Variants in ZMAT4 observed in about 807,000 individuals in gnomAD.
ZMAT4 encodes the protein zinc finger matrin-type 4.
In ZMAT4, 17 loss-of-function variants were observed where a neutral mutation model predicts 28.7. The ratio of observed to expected loss-of-function variants is 0.59; its 90% CI spans 0.41 to 0.89. ZMAT4 has a LOEUF of 0.89. Ranked by LOEUF, ZMAT4 falls within the 40% of genes least tolerant of loss-of-function variation. The pLI, the probability that ZMAT4 is intolerant of heterozygous loss-of-function variation, is 0.00. For missense variants in ZMAT4, 240 were observed against 283.8 expected (o/e 0.85, Z 1.11); for synonymous variants, 117 against 109.2 (o/e 1.07, Z -0.44).
At chr8:40,843,069 C>G (rs56132642) in intron 1 of ZMAT4, among the ~76,000 whole-genome samples, 1 of 152,114 alleles carries the variant, frequency 6.6e-6, no homozygotes, top group Admixed American at 6.6e-5. Flanking sequence ...AAGCCACTGT[C>G]CCCGGCCTAA....
In ZMAT4 at chr8:40,860,096, C is replaced by T. The variant is rs77896633; in HGVS notation, c.-4-34416G>A. On this transcript the variant is annotated intron_variant, in intron 1 of 6. Transcript: ENST00000297737. Reference sequence around the variant, plus strand: ...AGCAAGACATAGATCTTTTCAGCCTCAGTTTCCACATCTGAAAATATGGAG... The same window carrying T: ...AGCAAGACATAGATCTTTTCAGCCTTAGTTTCCACATCTGAAAATATGGAG... Among the ~76,000 whole-genome samples the T allele has an allele frequency of 8.9e-3, 1,351 of 152,322 alleles. 11 individuals are homozygous for T. Among genetic ancestry groups the T allele is most frequent in the Admixed American group, 0.013 (202 of 15,306 alleles).
chr8:40,714,908 G>C (rs1442338896), intron 3 of ZMAT4, among the ~76,000 whole-genome samples: 1 of 151,900 alleles, frequency 6.6e-6, no homozygotes, highest in Non-Finnish European at 1.5e-5. Flanking sequence ...AATTAGCCAG[G>C]CGTGGTGGCA....
intron 3 of ZMAT4, among the ~76,000 whole-genome samples, chr8:40,749,720 G>A (rs895584822): frequency 6.6e-6 from 1 of 152,172 alleles, no homozygotes; most frequent in East Asian, 1.9e-4. Context: ...GCAGGAGTGA[G>A]TGAAAGTTAT....
intron 5 of ZMAT4, among the ~76,000 whole-genome samples, chr8:40,612,331 G>A (rs1236384714): frequency 8.1e-6 from 1 of 123,022 alleles, no homozygotes; most frequent in African/African-American, 2.6e-5. Flanking sequence ...TACAAATAAT[G>A]AGCAGGAAAT....
chr8:40,571,361 A>G (rs1804092531), intron 6 of ZMAT4, among the ~76,000 whole-genome samples: 2 of 152,148 alleles, frequency 1.3e-5, no homozygotes, highest in Non-Finnish European at 2.9e-5. Context: ...ATATAGAGAT[A>G]CATATACAGT....
intron 1 of ZMAT4, among the ~76,000 whole-genome samples, chr8:40,828,683 A>T (rs138188395): frequency 1.1e-3 from 163 of 152,294 alleles, no homozygotes; most frequent in African/African-American, 3.7e-3. Flanking sequence ...AATCGATGAC[A>T]CCTGAGTGGA....
chr8:40,693,919 C>G (rs1396390444), intron 4 of ZMAT4, among the ~76,000 whole-genome samples: 3 of 152,140 alleles, frequency 2.0e-5, no homozygotes, highest in Non-Finnish European at 2.9e-5. Context: ...AAGTAGCTGG[C>G]AGAAGCAATG....
At chr8:40,657,467 A>G (rs1307238196) in intron 5 of ZMAT4, among the ~76,000 whole-genome samples, 1 of 151,386 alleles carries the variant, frequency 6.6e-6, no homozygotes, top group African/African-American at 2.4e-5. Flanking sequence ...TTTTTCTTGC[A>G]GTACTTTAAA....
At chr8:40,570,042 C>T (rs1804043818) in intron 6 of ZMAT4, among the ~76,000 whole-genome samples, 1 of 152,062 alleles carries the variant, frequency 6.6e-6, no homozygotes, top group Non-Finnish European at 1.5e-5. Context: ...TTGTTTTGTT[C>T]AAATCCACAA....
At chr8:40,712,185 A>G (rs1810652974) in intron 3 of ZMAT4, among the ~76,000 whole-genome samples, 1 of 152,234 alleles carries the variant, frequency 6.6e-6, no homozygotes. Context: ...TAAAACTCAA[A>G]TCATAATAGG....
At chr8:40,859,533 G>GCTGGGAAGGAATA (rs1211912419) in intron 1 of ZMAT4, among the ~76,000 whole-genome samples, 1 of 152,100 alleles carries the variant, frequency 6.6e-6, no homozygotes, top group Non-Finnish European at 1.5e-5. Flanking sequence ...GGGAATTACA[G>GCTGGGAAGGAATA]GCCCAGCTAT....
chr8:40,659,110 G>A (rs1344168597), intron 5 of ZMAT4, among the ~76,000 whole-genome samples: 2 of 152,152 alleles, frequency 1.3e-5, no homozygotes, highest in African/African-American at 2.4e-5. Context: ...CAACATATAT[G>A]ATCAGGAATC....
chr8:40,862,438 G>T (rs1311809018), intron 1 of ZMAT4, among the ~76,000 whole-genome samples: 9 of 97,626 alleles, frequency 9.2e-5, no homozygotes, highest in African/African-American at 3.2e-4. Flanking sequence ...GGGGAGGGGG[G>T]AGGGATAGCA....
intron 4 of ZMAT4, among the ~76,000 whole-genome samples, chr8:40,681,926 A>T (rs1361137750): frequency 6.6e-6 from 1 of 152,116 alleles, no homozygotes; most frequent in Non-Finnish European, 1.5e-5. Flanking sequence ...AGACCTGGGG[A>T]CATGTTCAGA....
intron 3 of ZMAT4, among the ~76,000 whole-genome samples, chr8:40,713,973 A>G (rs548046984): frequency 2.0e-5 from 3 of 151,702 alleles, no homozygotes; most frequent in South Asian, 2.1e-4. Flanking sequence ...AAGAAAAGAA[A>G]TATACATATC....
rs1391927387 is a variant in ZMAT4, at chr8:40,603,515, C to T, written c.578-22254G>A. ...CATTGAATTTGTAGATTGCTTTTGT[C>T]AGTAATGTCATTTTCACAATACTGA... is the stretch of plus-strand genomic sequence containing the variant. On this transcript the variant is annotated intron_variant, in intron 5 of 6. Coordinates refer to ENST00000297737, the MANE Select transcript of ZMAT4 (RefSeq NM_024645.3). Among the ~76,000 whole-genome samples the T allele has an allele frequency of 2.0e-5, 3 of 152,158 alleles. No individual in the cohort carries two copies. The East Asian group carries it at 5.8e-4, about 29-fold the overall frequency.
intron 1 of ZMAT4, among the ~76,000 whole-genome samples, chr8:40,844,316 G>A (rs1415373038): frequency 6.6e-6 from 1 of 152,168 alleles, no homozygotes; most frequent in African/African-American, 2.4e-5. Flanking sequence ...AGACTGAGCA[G>A]AGATCACCTC....
intron 2 of ZMAT4, among the ~76,000 whole-genome samples, chr8:40,808,181 G>A (rs10106933): frequency 0.98 from 149,019 of 152,316 alleles, 72,980 homozygotes; most frequent in East Asian, 1. Flanking sequence ...ACAGCCCACA[G>A]GGCAGAGGTT....
chr8:40,754,858 T>TTTTAAAAA (rs1563460167), intron 3 of ZMAT4, among the ~76,000 whole-genome samples: 1 of 152,104 alleles, frequency 6.6e-6, no homozygotes, highest in Admixed American at 6.5e-5. Flanking sequence ...ACTAAAAAAT[T>TTTTAAAAA]TTTAAAAATT....
Sources: gnomAD v4.1 joint callset for allele counts (sites outside exome capture counted in the v4.1 genomes callset) on GRCh38, gnomAD v4.1.1 for gene constraint, MANE v1.5 for transcripts, NCBI Gene and HGNC (gene_info 2026-07-23, HGNC 2026-07-21) for gene names.